Variants in ATP2C1 observed in about 807,000 individuals in gnomAD.
The protein encoded by ATP2C1 is ATPase secretory pathway Ca2+ transporting 1.
Under a neutral mutation model 120.5 loss-of-function variants are expected in ATP2C1, and 31 were observed. The observed-to-expected ratio is 0.26, with a 90% CI of 0.19 to 0.35. The LOEUF (loss-of-function observed/expected upper bound fraction) is 0.35, where lower values mean the gene tolerates loss of function less well. Ranked by LOEUF, ATP2C1 falls within the 10% of genes least tolerant of loss-of-function variation. The pLI, the probability that ATP2C1 is intolerant of heterozygous loss-of-function variation, is 1.00. For missense variants in ATP2C1, 731 were observed against 1,107.5 expected (o/e 0.66, Z 4.83); for synonymous variants, 351 against 358.7 (o/e 0.98, Z 0.24).
chr3:131,015,060 T>G, intron 26 of ATP2C1: 1 of 504,714 alleles, frequency 2.0e-6, no homozygotes, highest in Non-Finnish European at 3.5e-6. Flanking sequence ...TGGCCTTAAA[T>G]TATTAAACGA....
chr3:131,009,647 T>A (rs1161997353), intron 26 of ATP2C1, among the ~76,000 whole-genome samples: 1 of 152,216 alleles, frequency 6.6e-6, no homozygotes. Flanking sequence ...CTTAGAATTT[T>A]TACAGCTGGA....
intron 20 of ATP2C1, among the ~76,000 whole-genome samples, chr3:130,987,568 T>C (rs2062080749): frequency 6.6e-6 from 1 of 152,180 alleles, no homozygotes; most frequent in Admixed American, 6.5e-5. Flanking sequence ...TGGGCTCAAG[T>C]GATCCTCCTA....
intron 1 of ATP2C1, among the ~76,000 whole-genome samples, chr3:130,862,098 C>G (rs924723073): frequency 2.1e-4 from 31 of 151,162 alleles, no homozygotes; most frequent in African/African-American, 7.3e-4. Context: ...CTCAGCCTCC[C>G]GAGTAGCTGG....
chr3:130,956,222 GT>G (rs1559971696), intron 11 of ATP2C1, 43 bp downstream of exon 11: 1 of 1,345,484 alleles, frequency 7.4e-7, no homozygotes, highest in Admixed American at 1.7e-5. Flanking sequence ...TTTGAGTTTT[GT>G]TTTTTGAATG....
chr3:130,948,421 A>G (rs2060235944), intron 8 of ATP2C1, among the ~76,000 whole-genome samples: 1 of 151,674 alleles, frequency 6.6e-6, no homozygotes, highest in Non-Finnish European at 1.5e-5. Flanking sequence ...ATTAATCTTA[A>G]TGAAAATTCT....
At chr3:131,015,292 C>T (rs540186120) in intron 26 of ATP2C1, 2 of 690,362 alleles carry the variant, frequency 2.9e-6, no homozygotes, top group African/African-American at 1.8e-5. Context: ...GCCCCTCCCC[C>T]CACAGAGTTT....
Position 130,894,443 on chromosome 3 carries a change from G to A in ATP2C1, c.-181+106G>A. ...GATGGGGGGGCATCTCTAGGGCGCC[G>A]CCCCGCTGGCGTGAGCTGGGGACGT... On this transcript the variant is annotated intron_variant, in intron 1 of 27. Transcript: ENST00000510168. This position sits in a 1 kb window ranked among gnomAD's most constrained non-coding sequence, Gnocchi z 4.5. The A allele has an allele frequency of 7.7e-7, 1 of 1,302,758 alleles. No individual in the cohort carries two copies. The highest frequency in any genetic ancestry group is 9.8e-7 in the Non-Finnish European group (1 of 1,019,136). 80.7% of individuals were successfully genotyped at this position (1,302,758 alleles called of 1,614,324 possible).
Position 130,850,853 on chromosome 3 carries a change from T to C in ATP2C1, c.33T>C (p.Ser11=), listed in dbSNP as rs1352066433. 8 of 1,450,890 alleles carry C rather than the reference T, an allele frequency of 5.5e-6. No individual in the cohort carries two copies. The Admixed American group carries it at 1.4e-4, about 26-fold the overall frequency. 89.9% of individuals were successfully genotyped at this position (1,450,890 alleles called of 1,614,324 possible). A position where few individuals can be genotyped will look rare whatever the true frequency, so the allele number is the denominator to read the frequency against. Residue 11 remains serine (S), a synonymous_variant, in exon 1 of 27, where the codon TCT becomes TCC. Coordinates refer to the ATP2C1 transcript ENST00000504381. ...GTCTGTTGCCTCCATCTAGATTCTC[T>C]TATTTCAAAAAATATCCTCTCCATG... is the stretch of plus-strand genomic sequence containing the variant.
chr3:130,988,657 G>C (rs1005756696), intron 20 of ATP2C1, among the ~76,000 whole-genome samples: 13 of 152,126 alleles, frequency 8.5e-5, no homozygotes, highest in African/African-American at 3.1e-4. Context: ...CTCCCATAAA[G>C]ATTTATGGGG....
At chr3:130,941,940 G>A (rs1365469733) in intron 8 of ATP2C1, among the ~76,000 whole-genome samples, 2 of 152,144 alleles carry the variant, frequency 1.3e-5, no homozygotes, top group African/African-American at 4.8e-5. Flanking sequence ...ATTAGGGACT[G>A]TGGGAGATAC....
chr3:130,869,422 T>TTAAAAAAAAA (rs2068342157), intron 1 of ATP2C1: 1 of 54,806 alleles, frequency 1.8e-5, no homozygotes, highest in African/African-American at 9.7e-5. Context: ...GAATGATCAA[T>TTAAAAAAAAA]AAAAAATAAA....
intron 8 of ATP2C1, among the ~76,000 whole-genome samples, chr3:130,950,003 C>T (rs902409316): frequency 3.3e-5 from 5 of 152,050 alleles, no homozygotes; most frequent in East Asian, 3.9e-4. Flanking sequence ...TATGTCAAAC[C>T]GTTCTTTAGC....
At chr3:130,910,190 T>C (rs2058332525) in intron 2 of ATP2C1, among the ~76,000 whole-genome samples, 1 of 151,894 alleles carries the variant, frequency 6.6e-6, no homozygotes, top group African/African-American at 2.4e-5. Flanking sequence ...TTCCTAGGTA[T>C]TTTATTCTCT....
intron 24 of ATP2C1, 27 bp downstream of exon 24, chr3:130,996,823 G>C (rs763098881): frequency 2.0e-5 from 28 of 1,411,428 alleles, no homozygotes; most frequent in African/African-American, 2.8e-5. Flanking sequence ...TGCATGAGCT[G>C]GAAAGACAAG....
chr3:130,858,996 C>G (rs911976632), intron 1 of ATP2C1, among the ~76,000 whole-genome samples: 6 of 152,152 alleles, frequency 3.9e-5, no homozygotes, highest in Non-Finnish European at 7.4e-5. Context: ...GAATTATCTT[C>G]TGCAGAGTGC....
Position 131,001,763 on chromosome 3 carries a change from A to G in ATP2C1, c.*413A>G. 1 of 982,338 alleles carries G rather than the reference A, an allele frequency of 1.0e-6. No individual in the cohort carries two copies. Among genetic ancestry groups the G allele is most frequent in the Non-Finnish European group, 1.2e-6 (1 of 826,720 alleles). 60.9% of individuals were successfully genotyped at this position (982,338 alleles called of 1,614,324 possible). The stretch of plus-strand genomic sequence containing the variant: ...TCTTACTAATACACAAATAAATTTA[A>G]TCATTTCAAAGGCATTCTATTTGGT... On this transcript the variant is annotated 3_prime_UTR_variant, in exon 28 of 28. Coordinates refer to ENST00000510168, the MANE Select transcript of ATP2C1 (RefSeq NM_001378687.1).
chr3:130,938,428 GGTT>G (rs556296250), intron 6 of ATP2C1, among the ~76,000 whole-genome samples: 2 of 152,182 alleles, frequency 1.3e-5, no homozygotes, highest in South Asian at 4.1e-4. Flanking sequence ...GAATAACTAT[GGTT>G]GTTCTTACAT....
At chr3:130,879,071 T>C (rs2068699548) in intron 1 of ATP2C1, among the ~76,000 whole-genome samples, 1 of 152,142 alleles carries the variant, frequency 6.6e-6, no homozygotes, top group Non-Finnish European at 1.5e-5. Context: ...TATATATATA[T>C]TTTTTGACAG....
In ATP2C1 at chr3:131,001,930, TTTTC is replaced by T; in HGVS notation, c.*588_*591del. ...TGTGACCACTGTCAGATCACTGTTC[TTTTC>T]TTTCTTTTTGTGATTGAAAAGCCTA... On this transcript the variant is annotated 3_prime_UTR_variant, in exon 28 of 28. Coordinates refer to ENST00000510168, the MANE Select transcript of ATP2C1 (RefSeq NM_001378687.1). 3.0e-6 allele frequency: 3 copies of T among 984,888 alleles called. No homozygotes were observed. The highest frequency in any genetic ancestry group is 4.7e-5 in the South Asian group (1 of 21,268). The allele number at this position is 984,888 out of a possible 1,614,324, so 61.0% of individuals were successfully genotyped here. A position where few individuals can be genotyped will look rare whatever the true frequency, so the allele number is the denominator to read the frequency against.
Sources: allele counts gnomAD v4.1 joint callset (sites outside exome capture counted in the v4.1 genomes callset), GRCh38; gene constraint gnomAD v4.1.1; non-coding constraint Gnocchi (gnomAD v3.1); transcripts MANE v1.5; gene names NCBI Gene and HGNC (gene_info 2026-07-23, HGNC 2026-07-21).